HECW1: variants seen among roughly 807,000 people sequenced by gnomAD.
The protein encoded by HECW1 is HECT, C2 and WW domain containing E3 ubiquitin protein ligase 1, also known as E3 ubiquitin-protein ligase HECW1.
HECW1 carries 61 observed loss-of-function variants against 182.3 expected under a neutral mutation model. That is an observed-to-expected ratio of 0.33 (90% CI 0.27 to 0.41). HECW1 has a LOEUF of 0.41. HECW1 is among the 10% of genes least tolerant of loss of function. The pLI is 1.00. For missense variants in HECW1, 1,739 were observed against 2,108.9 expected (o/e 0.82, Z 3.44); for synonymous variants, 859 against 832.6 (o/e 1.03, Z -0.55).
chr7:43,181,815 TCTCA>T (rs777442266), intron 2 of HECW1, among the ~76,000 whole-genome samples: 103 of 150,732 alleles, frequency 6.8e-4, no homozygotes, highest in Middle Eastern at 6.8e-3. Context: ...TGAGATGGAG[TCTCA>T]CTCTGTCGCC....
intron 2 of HECW1, among the ~76,000 whole-genome samples, chr7:43,214,714 G>A (rs964973776): frequency 8.5e-5 from 13 of 152,318 alleles, no homozygotes; most frequent in Admixed American, 6.5e-4. Flanking sequence ...CACAGGAGAC[G>A]GCAGGGTGGC....
chr7:43,519,769 T>G (rs981420665), intron 24 of HECW1, among the ~76,000 whole-genome samples: 1 of 152,128 alleles, frequency 6.6e-6, no homozygotes, highest in Non-Finnish European at 1.5e-5. Flanking sequence ...CTCAAGATAT[T>G]GTTGAGAGAA....
intron 2 of HECW1, among the ~76,000 whole-genome samples, chr7:43,150,422 A>G (rs1789171245): frequency 6.6e-6 from 1 of 152,174 alleles, no homozygotes; most frequent in Non-Finnish European, 1.5e-5. Flanking sequence ...TCTGCCACCC[A>G]GACAGGAGTG....
At chr7:43,247,376 A>G (rs558850848) in intron 3 of HECW1, among the ~76,000 whole-genome samples, 1 of 152,184 alleles carries the variant, frequency 6.6e-6, no homozygotes, top group Non-Finnish European at 1.5e-5. Flanking sequence ...GACCAGGCAC[A>G]GTGGCTCATG....
At chr7:43,560,105 A>G (rs1345333183) in intron 29 of HECW1, among the ~76,000 whole-genome samples, 2 of 152,204 alleles carry the variant, frequency 1.3e-5, no homozygotes, top group Non-Finnish European at 1.5e-5. Context: ...CCCCTGGCTA[A>G]TTCAGCTAGT....
At chr7:43,464,872 G>C (rs937665506) in intron 14 of HECW1, among the ~76,000 whole-genome samples, 2 of 152,018 alleles carry the variant, frequency 1.3e-5, no homozygotes, top group African/African-American at 4.8e-5. Context: ...TGCGATCATA[G>C]CTCACTGCAG....
chr7:43,282,754 T>C (rs1453855808), intron 3 of HECW1, among the ~76,000 whole-genome samples: 1 of 152,196 alleles, frequency 6.6e-6, no homozygotes, highest in Non-Finnish European at 1.5e-5. Flanking sequence ...CCAACAGTCA[T>C]CTAACTGACA....
chr7:43,160,613 G>C (rs1395270809), intron 2 of HECW1, among the ~76,000 whole-genome samples: 2 of 151,998 alleles, frequency 1.3e-5, no homozygotes, highest in Non-Finnish European at 2.9e-5. Flanking sequence ...TTTGTTTTTG[G>C]AGTTTCTTTC....
chr7:43,295,643 G>A (rs75148026), intron 3 of HECW1, among the ~76,000 whole-genome samples: 17,860 of 152,192 alleles, frequency 0.12, 1,201 homozygotes, highest in African/African-American at 0.19. Context: ...GAGTGGTGGA[G>A]GAGGGGCTGG....
At chr7:43,346,270 G>A (rs1228211703) in intron 5 of HECW1, among the ~76,000 whole-genome samples, 2 of 152,046 alleles carry the variant, frequency 1.3e-5, no homozygotes, top group Non-Finnish European at 2.9e-5. Context: ...TTTTTCATAT[G>A]TTTGTTGGCC....
intron 2 of HECW1, among the ~76,000 whole-genome samples, chr7:43,209,917 T>C (rs1195234940): frequency 6.6e-6 from 1 of 152,176 alleles, no homozygotes; most frequent in Non-Finnish European, 1.5e-5. Flanking sequence ...ACAGCATCTC[T>C]ACTTAAGGTG....
At chr7:43,300,047 G>A (rs1037088146) in intron 3 of HECW1, among the ~76,000 whole-genome samples, 2 of 152,198 alleles carry the variant, frequency 1.3e-5, no homozygotes, top group African/African-American at 2.4e-5. Context: ...TAAAAAGCAA[G>A]GCTTTGTCTT....
intron 7 of HECW1, among the ~76,000 whole-genome samples, chr7:43,401,350 G>C (rs2075399143): frequency 6.6e-6 from 1 of 152,046 alleles, no homozygotes; most frequent in Non-Finnish European, 1.5e-5. Context: ...GTCCAAAAAG[G>C]ACGAGGGAAA....
chr7:43,249,862 T>C (rs1448825434), intron 3 of HECW1, among the ~76,000 whole-genome samples: 1 of 152,132 alleles, frequency 6.6e-6, no homozygotes, highest in East Asian at 1.9e-4. Context: ...TAGTATTTTT[T>C]CCCCTCATGC....
chr7:43,521,083 C>T (rs190324473), intron 24 of HECW1, among the ~76,000 whole-genome samples: 63 of 152,324 alleles, frequency 4.1e-4, no homozygotes, highest in Admixed American at 1.9e-3. Context: ...TGAGTCTCAG[C>T]CTCCTAGTTC....
At chr7:43,535,005 G>C (rs1451255779) in intron 24 of HECW1, among the ~76,000 whole-genome samples, 1 of 152,174 alleles carries the variant, frequency 6.6e-6, no homozygotes, top group East Asian at 1.9e-4. Flanking sequence ...CTATACAGTA[G>C]GTGCCAATAT....
At chr7:43,347,141 ATTTG>A (rs1330584210) in intron 5 of HECW1, among the ~76,000 whole-genome samples, 8 of 152,126 alleles carry the variant, frequency 5.3e-5, no homozygotes, top group Admixed American at 3.9e-4. Flanking sequence ...ATGTGTTTCC[ATTTG>A]TTTGTGTCAT....
chr7:43,189,060 C>T (rs190205460), intron 2 of HECW1, among the ~76,000 whole-genome samples: 41 of 152,258 alleles, frequency 2.7e-4, no homozygotes, highest in Admixed American at 1.0e-3. Flanking sequence ...TCCTTTCTCA[C>T]GGTTGAGTTG....
At chr7:43,309,389 C>T (rs1056131645) in intron 3 of HECW1, among the ~76,000 whole-genome samples, 5 of 152,186 alleles carry the variant, frequency 3.3e-5, no homozygotes, top group African/African-American at 1.2e-4. Context: ...CACTGACAAA[C>T]GTCTTCTTTG....
Sources: allele counts gnomAD v4.1 joint callset (sites outside exome capture counted in the v4.1 genomes callset), GRCh38; gene constraint gnomAD v4.1.1; transcripts MANE v1.5; gene names NCBI Gene and HGNC (gene_info 2026-07-23, HGNC 2026-07-21).